TOGARAM1: variants seen among roughly 807,000 people sequenced by gnomAD.
The protein encoded by TOGARAM1 is TOG array regulator of axonemal microtubules 1, also known as TOG array regulator of axonemal microtubules protein 1.
In TOGARAM1, 100 loss-of-function variants were observed where a neutral mutation model predicts 166.6. That is an observed-to-expected ratio of 0.60 (90% confidence interval 0.51 to 0.71). The LOEUF (loss-of-function observed/expected upper bound fraction) is 0.71, where lower values mean the gene tolerates loss of function less well. Among genes scored for constraint, TOGARAM1 ranks in the 30% least tolerant of loss-of-function variants. TOGARAM1 has a pLI of 0.00. For synonymous variants in TOGARAM1, 758 were observed against 763.8 expected, an observed-to-expected ratio of 0.99 and a Z score of 0.13; for missense variants, 2,029 against 2,102.7, an observed-to-expected ratio of 0.96 and a Z score of 0.69.
chr14:44,986,664 T>G (rs1486399928), intron 1 of TOGARAM1, among the ~76,000 whole-genome samples: 1 of 152,016 alleles, frequency 6.6e-6, no homozygotes, highest in Non-Finnish European at 1.5e-5. Context: ...ATTAAGAATT[T>G]TTTTTTTCTT....
rs374837394 is a variant in TOGARAM1, at chr14:44,972,879, G to A, written c.2046+8412G>A. Among the ~76,000 whole-genome samples the A allele has an allele frequency of 1.1e-4, 17 of 152,086 alleles. No individual in the cohort carries two copies. In the South Asian group the frequency reaches 3.1e-3, roughly 28 times the overall value. The stretch of plus-strand genomic sequence containing the variant: ...GACATACAGTAAGTCCTCAAATAAC[G>A]TTATTTTGTTCAACATCATTTTGCT... On this transcript the variant is annotated intron_variant, in intron 1 of 19. Coordinates refer to ENST00000361462, the MANE Select transcript of TOGARAM1 (RefSeq NM_001308120.2).
chr14:45,006,414 G>C (rs1879435149), intron 5 of TOGARAM1, 147 bp downstream of exon 5: 1 of 582,374 alleles, frequency 1.7e-6, no homozygotes. Context: ...AAAATACCAT[G>C]AATTAGTAGG....
intron 11 of TOGARAM1, among the ~76,000 whole-genome samples, chr14:45,036,311 A>G (rs750587061): frequency 9.2e-5 from 14 of 152,094 alleles, no homozygotes; most frequent in East Asian, 1.9e-4. Flanking sequence ...AAACAGCAAG[A>G]TGATAGACTT....
intron 14 of TOGARAM1, among the ~76,000 whole-genome samples, chr14:45,049,462 T>G (rs1882250592): frequency 1.3e-5 from 2 of 152,162 alleles, no homozygotes. Context: ...GGTTTCACTG[T>G]GTTAGCCAGG....
At position 45,073,372 on chromosome 14, in the gene TOGARAM1, A is replaced by G; in HGVS notation, c.5133A>G (p.Leu1711=). ...TGTTGGTTGTTTTATGGCATCTCTT[A>G]GGAAATATGACAAATAGTGGCTCTC... is the stretch of plus-strand genomic sequence containing the variant. The part of the protein sequence containing the change: ...QKVLVVLWHL[L]GNMTNSGSLP... Residue 1711 remains leucine (L), a synonymous_variant, in exon 20 of 20, where the codon TTA becomes TTG. Transcript: ENST00000361462. The G allele has an allele frequency of 6.2e-7, 1 of 1,614,188 alleles. No individual in the cohort carries two copies. Among genetic ancestry groups the G allele is most frequent in the Non-Finnish European group, 8.5e-7 (1 of 1,180,030 alleles).
At chr14:45,025,382 G>A (rs769446951) in intron 7 of TOGARAM1, 1 of 154,518 alleles carries the variant, frequency 6.5e-6, no homozygotes, top group Non-Finnish European at 1.4e-5. Context: ...TGACCAAAAT[G>A]GTGAAACCCC....
At chr14:44,999,260 A>G in intron 2 of TOGARAM1, 103 bp from the exon 3 acceptor site, 1 of 1,235,338 alleles carries the variant, frequency 8.1e-7, no homozygotes, top group Non-Finnish European at 1.1e-6. Flanking sequence ...AAACACTTAT[A>G]TTTATTTCCA....
In TOGARAM1 at chr14:45,008,914, T is replaced by G; in HGVS notation, c.2906T>G (p.Met969Arg). Residue 969 changes from methionine (M) to arginine (R), a missense_variant and splice_region_variant, in exon 6 of 20, where the codon ATG becomes AGG. This residue lies in a region of TOGARAM1 where 1,453 missense variants were observed against 1,432.2 expected (regional missense o/e 1.01). Coordinates refer to ENST00000361462, the MANE Select transcript of TOGARAM1 (RefSeq NM_001308120.2). Reference sequence around the variant, plus strand: ...TTTATTGTTTTCATTTTTTCTTAGATGCATAGCTCTCTTAGGTCCCTTCGT... The same window carrying G: ...TTTATTGTTTTCATTTTTTCTTAGAGGCATAGCTCTCTTAGGTCCCTTCGT... ...FKDKDLDQEEMHSSLRSLRNS... is the reference protein window; with the variant it reads ...FKDKDLDQEERHSSLRSLRNS... 6.3e-7 allele frequency: 1 copy of G among 1,598,526 alleles called. No homozygotes were observed. Among genetic ancestry groups the G allele is most frequent in the Non-Finnish European group, 8.5e-7 (1 of 1,174,046 alleles).
chr14:45,006,600 T>A (rs1264711091), intron 5 of TOGARAM1: 1 of 160,476 alleles, frequency 6.2e-6, no homozygotes, highest in African/African-American at 2.4e-5. Flanking sequence ...TTTGTCATAT[T>A]TGTTTCCTAT....
At position 44,962,719 on chromosome 14, in the gene TOGARAM1, C is replaced by T; in HGVS notation, c.298C>T (p.Leu100Phe). Residue 100 changes from leucine (L) to phenylalanine (F), a missense_variant, in exon 1 of 20, where the codon CTT becomes TTT. Leu to Phe is a conservative substitution (Grantham distance 22, BLOSUM62 0). Coordinates refer to ENST00000361462, the MANE Select transcript of TOGARAM1 (RefSeq NM_001308120.2). ...GGGAGATGAAGAGGACACTCGGCTC[C>T]TTCAACTCCTCCGCACTGCCCGGGA... Reference protein sequence around the residue: ...SGGDEEDTRLLQLLRTARDPS... With the variant: ...SGGDEEDTRLFQLLRTARDPS... The T allele has an allele frequency of 6.2e-7, 1 of 1,614,062 alleles. No homozygotes were observed. The highest frequency in any genetic ancestry group is 8.5e-7 in the Non-Finnish European group (1 of 1,180,038).
In TOGARAM1 at chr14:44,962,896, C is replaced by T; in HGVS notation, c.475C>T (p.Leu159Phe). Reference protein sequence around the residue: ...SDEKRLCLQLLSDVLRGQGEA... With the variant: ...SDEKRLCLQLFSDVLRGQGEA... ...TGAGAAGCGGCTCTGCTTGCAACTT[C>T]TCTCGGACGTTCTCCGGGGTCAGGG... Residue 159 changes from leucine (L) to phenylalanine (F), a missense_variant, in exon 1 of 20, where the codon CTC (leucine) becomes TTC (phenylalanine). Leu to Phe is a conservative substitution (Grantham distance 22). Around this residue, in one of 2 missense-constraint regions of TOGARAM1, gnomAD observed 1,453 missense variants for 1,432.2 expected, o/e 1.01. Transcript: ENST00000361462. 6.2e-7 allele frequency: 1 copy of T among 1,614,068 alleles called. No homozygotes were observed. Among genetic ancestry groups the T allele is most frequent in the Non-Finnish European group, 8.5e-7 (1 of 1,180,034 alleles).
chr14:45,073,331 G>A lies in TOGARAM1; in HGVS notation c.5092G>A (p.Ala1698Thr). The change falls in exon 20 of 20, where the codon GCC becomes ACC. Residue 1698 changes from alanine (A) to threonine (T), a missense_variant. Physicochemically the swap from Ala to Thr is moderately conservative, Grantham distance 58. Around this residue, in one of 2 missense-constraint regions of TOGARAM1, gnomAD observed 576 missense variants for 670.5 expected, o/e 0.86. Transcript: ENST00000361462. ...GGAACTTTATCAAAGGAAGCCGCAT[G>A]CCACAGAGCAGAAAGTGTTGGTTGT... ...VTELYQRKPH[A>T]TEQKVLVVLW... The A allele has an allele frequency of 1.2e-6, 2 of 1,613,892 alleles. No individual in the cohort carries two copies. The highest frequency in any genetic ancestry group is 1.7e-6 in the Non-Finnish European group (2 of 1,179,900).
chr14:44,967,651 A>G (rs1347585314), intron 1 of TOGARAM1, among the ~76,000 whole-genome samples: 1 of 152,164 alleles, frequency 6.6e-6, no homozygotes, highest in East Asian at 1.9e-4. Flanking sequence ...TAATAAGAGA[A>G]TGGGGAATTT....
chr14:45,070,048 G>A (rs1039334071), intron 18 of TOGARAM1, among the ~76,000 whole-genome samples: 6 of 152,030 alleles, frequency 3.9e-5, no homozygotes, highest in Non-Finnish European at 7.4e-5. Flanking sequence ...CGGGCGTGGT[G>A]GCAGGTGCCT....
chr14:45,047,696 C>G (rs1275481075), intron 14 of TOGARAM1, among the ~76,000 whole-genome samples: 2 of 152,042 alleles, frequency 1.3e-5, no homozygotes, highest in Non-Finnish European at 2.9e-5. Flanking sequence ...GTTTCCTTGT[C>G]TATAAAATTA....
At chr14:45,053,580 A>G (rs1882486290) in intron 15 of TOGARAM1, among the ~76,000 whole-genome samples, 1 of 152,244 alleles carries the variant, frequency 6.6e-6, no homozygotes, top group African/African-American at 2.4e-5. Context: ...TAATGTAGCA[A>G]TAGACATTTT....
chr14:44,967,500 C>T (rs1885623529), intron 1 of TOGARAM1, among the ~76,000 whole-genome samples: 1 of 152,110 alleles, frequency 6.6e-6, no homozygotes. Context: ...TAAATTAAGT[C>T]TTTTATCTAT....
At position 44,963,891 on chromosome 14, in the gene TOGARAM1, G is replaced by A; in HGVS notation, c.1470G>A (p.Val490=). ...AGCATTCCAGAGTGAGAGAGGAGGT[G>A]GTGAACATTTGCATCTGCTCCCTGC... ...KHKHSRVREE[V]VNICICSLLT... is the part of the protein sequence containing the mutation. Residue 490 remains valine, a synonymous_variant, in exon 1 of 20, where the codon GTG becomes GTA. Transcript: ENST00000361462. 1 of 1,613,968 alleles carries A rather than the reference G, an allele frequency of 6.2e-7. No individual in the cohort carries two copies. Among genetic ancestry groups the A allele is most frequent in the Non-Finnish European group, 8.5e-7 (1 of 1,179,862 alleles).
At chr14:45,028,095 C>T in intron 9 of TOGARAM1, 81 bp from the exon 10 acceptor site, 1 of 1,230,188 alleles carries the variant, frequency 8.1e-7, no homozygotes, top group Non-Finnish European at 1.1e-6. Flanking sequence ...TATCCTCAGA[C>T]ACAAATTAGT....
Sources: allele counts gnomAD v4.1 joint callset (sites outside exome capture counted in the v4.1 genomes callset), GRCh38; gene constraint gnomAD v4.1.1; regional missense constraint gnomAD v4.1.1; transcripts MANE v1.5; gene names NCBI Gene and HGNC (gene_info 2026-07-23, HGNC 2026-07-21).